Variants in NT5DC1 observed in about 807,000 individuals in gnomAD.
NT5DC1 encodes 5'-nucleotidase domain-containing protein 1.
In NT5DC1, 42 loss-of-function variants were observed where a neutral mutation model predicts 59.4. The ratio of observed to expected loss-of-function variants is 0.71; its 90% CI spans 0.55 to 0.92. The LOEUF (loss-of-function observed/expected upper bound fraction) is 0.92. Ranked by LOEUF, NT5DC1 falls within the 40% of genes least tolerant of loss-of-function variation. The probability of loss-of-function intolerance (pLI) is 0.00; values close to 1 mark genes in which losing one functional copy is unlikely to be tolerated. For synonymous variants in NT5DC1, 172 were observed against 188.1 expected (o/e 0.91, Z 0.70); for missense variants, 501 against 537.1 (o/e 0.93, Z 0.66).
intron 6 of NT5DC1, among the ~76,000 whole-genome samples, chr6:116,193,905 A>T (rs550384070): frequency 1.5e-4 from 23 of 152,054 alleles, no homozygotes; most frequent in Non-Finnish European, 1.0e-4. Context: ...AAATACAAAA[A>T]ATACAGAAAG....
intron 6 of NT5DC1, among the ~76,000 whole-genome samples, chr6:116,187,004 G>T (rs1027283213): frequency 6.6e-6 from 1 of 151,976 alleles, no homozygotes; most frequent in South Asian, 2.1e-4. Context: ...ATGTCAGATG[G>T]TAGATCCGGG....
At chr6:116,200,000 G>GGT (rs1554199752) in intron 6 of NT5DC1, among the ~76,000 whole-genome samples, 31 of 91,050 alleles carry the variant, frequency 3.4e-4, no homozygotes, top group South Asian at 2.1e-3. Context: ...TATGGAAAGT[G>GGT]GGGGGGGAAG....
rs142037667 is a variant in NT5DC1, at chr6:116,204,612, A to G, written c.530-16442A>G. ...ATATGCAATGAGCCAGCCGTTTAAC[A>G]TTTATAAGCCCTAAAGAAGTACTCA... On this transcript the variant is annotated intron_variant, in intron 6 of 11. Transcript: ENST00000319550. 2.5e-4 allele frequency among the ~76,000 whole-genome samples: 38 copies of G among 152,130 alleles called. 1 individual carries two copies. Among genetic ancestry groups the G allele is most frequent in the African/African-American group, 9.1e-4 (38 of 41,558 alleles).
chr6:116,206,120 T>C (rs1188472742), intron 6 of NT5DC1, among the ~76,000 whole-genome samples: 1 of 152,024 alleles, frequency 6.6e-6, no homozygotes, highest in African/African-American at 2.4e-5. Context: ...TTTCAAAATA[T>C]GTTTTGAAGG....
intron 8 of NT5DC1, among the ~76,000 whole-genome samples, chr6:116,225,703 G>T (rs1204803): frequency 0.011 from 1,645 of 152,340 alleles, 35 homozygotes; most frequent in African/African-American, 0.038. Flanking sequence ...CAGGGTATAT[G>T]TGCAGCTCTT....
At position 116,108,249 on chromosome 6, in the gene NT5DC1, T is replaced by C; in HGVS notation, c.186-115T>C. On this transcript the variant is annotated intron_variant, in intron 2 of 11. Transcript: ENST00000319550. The stretch of plus-strand genomic sequence containing the variant: ...CTTAATTGTGTGATTAACATATCAT[T>C]CCCCTGGGTGGCAGAATCCCTTTTT... The C allele has an allele frequency of 4.3e-6, 3 of 691,748 alleles. No homozygotes were observed. The South Asian group carries it at 4.9e-5, about 11-fold the overall frequency. The allele number at this position is 691,748 out of a possible 1,614,324, so 42.9% of individuals were successfully genotyped here.
chr6:116,213,810 A>G (rs908046923), intron 6 of NT5DC1, among the ~76,000 whole-genome samples: 1 of 152,124 alleles, frequency 6.6e-6, no homozygotes, highest in African/African-American at 2.4e-5. Flanking sequence ...CAAAAGGATC[A>G]GAAAGAGTTG....
intron 6 of NT5DC1, among the ~76,000 whole-genome samples, chr6:116,201,814 G>A (rs531779200): frequency 1.9e-4 from 29 of 152,058 alleles, no homozygotes; most frequent in African/African-American, 7.0e-4. Flanking sequence ...GCCTTGGCAT[G>A]GTTTCATGAT....
chr6:116,228,341 T>C (rs557429159), intron 8 of NT5DC1, among the ~76,000 whole-genome samples: 1 of 152,182 alleles, frequency 6.6e-6, no homozygotes, highest in African/African-American at 2.4e-5. Context: ...AAACCTCGTC[T>C]CTACTAAAAA....
intron 6 of NT5DC1, among the ~76,000 whole-genome samples, chr6:116,141,019 C>G (rs1779752404): frequency 6.6e-6 from 1 of 152,134 alleles, no homozygotes; most frequent in African/African-American, 2.4e-5. Context: ...GCTTCACTGG[C>G]TAATTCCAAA....
chr6:116,193,301 G>T (rs1399160736), intron 6 of NT5DC1, among the ~76,000 whole-genome samples: 1 of 151,964 alleles, frequency 6.6e-6, no homozygotes, highest in African/African-American at 2.4e-5. Flanking sequence ...GGAGTGCTGT[G>T]ATAACAAAAC....
At chr6:116,154,943 A>T (rs1780147081) in intron 6 of NT5DC1, among the ~76,000 whole-genome samples, 1 of 152,214 alleles carries the variant, frequency 6.6e-6, no homozygotes. Flanking sequence ...TAAAAAACAA[A>T]CCATAAATAA....
chr6:116,226,970 T>C (rs529867212), intron 8 of NT5DC1, among the ~76,000 whole-genome samples: 1 of 152,174 alleles, frequency 6.6e-6, no homozygotes, highest in Non-Finnish European at 1.5e-5. Context: ...TTATCATTTT[T>C]TGTGTGTGTG....
At chr6:116,161,546 G>A (rs1350512403) in intron 6 of NT5DC1, among the ~76,000 whole-genome samples, 1 of 152,002 alleles carries the variant, frequency 6.6e-6, no homozygotes, top group East Asian at 1.9e-4. Context: ...TCAGGTGTGT[G>A]GCTTTATTTC....
intron 6 of NT5DC1, among the ~76,000 whole-genome samples, chr6:116,131,248 G>T (rs1779455590): frequency 6.6e-6 from 1 of 152,116 alleles, no homozygotes; most frequent in Non-Finnish European, 1.5e-5. Context: ...AGCAAACATT[G>T]TATATTTCTG....
At chr6:116,108,555 A>C in intron 3 of NT5DC1, 120 bp downstream of exon 3, 1 of 666,050 alleles carries the variant, frequency 1.5e-6, no homozygotes, top group East Asian at 2.7e-5. Flanking sequence ...CAGATGACAG[A>C]TTGTCTGTCT....
intron 6 of NT5DC1, among the ~76,000 whole-genome samples, chr6:116,138,883 G>A (rs868566853): frequency 1.3e-5 from 2 of 152,002 alleles, no homozygotes; most frequent in Non-Finnish European, 1.5e-5. Flanking sequence ...TCTTGCTTTT[G>A]GTTTGATTTC....
At chr6:116,181,057 T>C (rs1174691937) in intron 6 of NT5DC1, among the ~76,000 whole-genome samples, 1 of 151,304 alleles carries the variant, frequency 6.6e-6, no homozygotes, top group African/African-American at 2.4e-5. Flanking sequence ...TCATATGGTA[T>C]CTTGAATTTA....
At chr6:116,124,816 G>T (rs1779243697) in intron 6 of NT5DC1, among the ~76,000 whole-genome samples, 1 of 152,118 alleles carries the variant, frequency 6.6e-6, no homozygotes, top group Non-Finnish European at 1.5e-5. Context: ...TCATTTGCCT[G>T]CTTGGCAATT....
Sources: allele counts gnomAD v4.1 joint callset (sites outside exome capture counted in the v4.1 genomes callset), GRCh38; gene constraint gnomAD v4.1.1; transcripts MANE v1.5; gene names NCBI Gene and HGNC (gene_info 2026-07-23, HGNC 2026-07-21).